MGST1: variants seen among roughly 807,000 people sequenced by gnomAD.
MGST1 encodes microsomal glutathione S-transferase 1.
Under a neutral mutation model 8.9 loss-of-function variants are expected in MGST1, and 5 were observed. That is an observed-to-expected ratio of 0.56 (90% CI 0.29 to 1.19). The LOEUF (loss-of-function observed/expected upper bound fraction) is 1.19. MGST1 is among the 50% of genes most tolerant of loss of function. MGST1 has a pLI of 0.08. For synonymous variants in MGST1, 54 were observed against 67.8 expected (o/e 0.80, Z 1.00); for missense variants, 182 against 187.4 (o/e 0.97, Z 0.17).
At chr12:16,450,387 C>T (rs1271932074) in intron 4 of MGST1, among the ~76,000 whole-genome samples, 1 of 151,816 alleles carries the variant, frequency 6.6e-6, no homozygotes. Flanking sequence ...GCTGAAACAA[C>T]AAAATACAAT....
chr12:16,430,590 T>C (rs984343702), intron 1 of MGST1, among the ~76,000 whole-genome samples: 1 of 145,670 alleles, frequency 6.9e-6, no homozygotes, highest in Non-Finnish European at 1.5e-5. Flanking sequence ...GCATTGTCAA[T>C]GAGTGGTAAT....
intron 1 of MGST1, among the ~76,000 whole-genome samples, chr12:16,394,522 CTT>C (rs574784947): frequency 1.4e-4 from 1 of 7,194 alleles, no homozygotes; most frequent in Admixed American, 2.7e-3. Context: ...CCCTTTCTTT[CTT>C]TCTTTCTTTC....
chr12:16,400,046 G>T (rs1940641076), intron 1 of MGST1: 2 of 1,575,528 alleles, frequency 1.3e-6, no homozygotes, highest in Admixed American at 3.3e-5. Flanking sequence ...TCAAATTCCA[G>T]TTCCTCCTTA....
intron 1 of MGST1, among the ~76,000 whole-genome samples, chr12:16,434,666 C>T (rs551202939): frequency 6.6e-6 from 1 of 151,912 alleles, no homozygotes; most frequent in African/African-American, 2.4e-5. Flanking sequence ...TTTTTTCTTT[C>T]TTTTCTTTTT....
In MGST1 at chr12:16,537,457, C is replaced by G. The variant is rs1333441043; in HGVS notation, n.483-52071C>G. The stretch of plus-strand genomic sequence containing the variant: ...GCATGGTGGCCCTCTTCTCACAGCT[C>G]CACTAGGAGGTGCCCCAGTATGGAC... On this transcript the variant is annotated intron_variant and non_coding_transcript_variant, in intron 4 of 4. Coordinates refer to the MGST1 transcript ENST00000538857. The surrounding 1 kb of genome is among the most constrained non-coding windows in gnomAD (Gnocchi z 4.6). Among the ~76,000 whole-genome samples, 1 of 152,188 alleles carries G rather than the reference C, an allele frequency of 6.6e-6. No individual in the cohort carries two copies. The highest frequency in any genetic ancestry group is 1.5e-5 in the Non-Finnish European group (1 of 68,038).
chr12:16,397,411 C>T lies in MGST1; in HGVS notation n.778+13807C>T, dbSNP rs117103317. Among the ~76,000 whole-genome samples the T allele has an allele frequency of 2.0e-3, 302 of 152,076 alleles. 8 individuals carry two copies. In the East Asian group the frequency reaches 0.037, roughly 19 times the overall value. On this transcript the variant is annotated intron_variant and non_coding_transcript_variant, in intron 1 of 1. Transcript: ENST00000359720. ...AGAACCCAAAAGCAAATGCAACACG[C>T]GAAGATAAATAGGTGGGACTTAATT...
At position 16,413,883 on chromosome 12, in the gene MGST1, A is replaced by G. The variant is rs1308017034; in HGVS notation, n.779-23505A>G. Among the ~76,000 whole-genome samples, 1 of 152,224 alleles carries G rather than the reference A, an allele frequency of 6.6e-6. No homozygotes were observed. Among genetic ancestry groups the G allele is most frequent in the Non-Finnish European group, 1.5e-5 (1 of 68,042 alleles). Reference sequence around the variant, plus strand: ...GCCAAATCAATGAATGAAAGTATACATATATTAATATGAATATGTGAATGT... The same window carrying G: ...GCCAAATCAATGAATGAAAGTATACGTATATTAATATGAATATGTGAATGT... On this transcript the variant is annotated intron_variant and non_coding_transcript_variant, in intron 1 of 1. Transcript: ENST00000359720. The surrounding 1 kb of genome is among the most constrained non-coding windows in gnomAD (Gnocchi z 4.0).
intron 4 of MGST1, among the ~76,000 whole-genome samples, chr12:16,529,315 C>T (rs1013804171): frequency 6.6e-6 from 1 of 152,042 alleles, no homozygotes; most frequent in Non-Finnish European, 1.5e-5. Flanking sequence ...TCATTATCCA[C>T]CCAATGATAG....
intron 4 of MGST1, among the ~76,000 whole-genome samples, chr12:16,564,180 A>G (rs1942506815): frequency 6.6e-6 from 1 of 152,204 alleles, no homozygotes; most frequent in Non-Finnish European, 1.5e-5. Flanking sequence ...TAAAAATCAA[A>G]CAGACAACTT....
chr12:16,473,889 CAAAT>C (rs1250902085), intron 4 of MGST1, among the ~76,000 whole-genome samples: 4 of 151,990 alleles, frequency 2.6e-5, no homozygotes, highest in African/African-American at 9.7e-5. Context: ...TCAAAATAAA[CAAAT>C]AAATAAAAAT....
intron 4 of MGST1, among the ~76,000 whole-genome samples, chr12:16,530,759 G>A (rs529368460): frequency 2.5e-4 from 38 of 152,210 alleles, no homozygotes; most frequent in African/African-American, 7.9e-4. Context: ...CACTGTCCAT[G>A]TGTAATGTAA....
intron 4 of MGST1, among the ~76,000 whole-genome samples, chr12:16,523,836 G>T (rs1273916203): frequency 6.6e-6 from 1 of 152,074 alleles, no homozygotes; most frequent in African/African-American, 2.4e-5. Flanking sequence ...ATCTCAGAAT[G>T]CATTGCATTG....
chr12:16,397,593 A>G (rs1940616064), intron 1 of MGST1, among the ~76,000 whole-genome samples: 1 of 151,980 alleles, frequency 6.6e-6, no homozygotes, highest in Non-Finnish European at 1.5e-5. Context: ...AAAACAAACA[A>G]CAAAGAGTCC....
chr12:16,399,964 C>G, intron 1 of MGST1: 1 of 1,351,394 alleles, frequency 7.4e-7, no homozygotes, highest in South Asian at 1.2e-5. Context: ...TACCAGCGCA[C>G]TACTAGTGGG....
chr12:16,566,033 TATATATAA>T (rs1230770660), intron 4 of MGST1, among the ~76,000 whole-genome samples: 4 of 82,078 alleles, frequency 4.9e-5, no homozygotes, highest in African/African-American at 1.9e-4. Context: ...TATATATATA[TATATATAA>T]AATGGAGTAC....
At position 16,434,096 on chromosome 12, in the gene MGST1, T is replaced by G. The variant is rs1429425214; in HGVS notation, n.779-3292T>G. Among the ~76,000 whole-genome samples the G allele has an allele frequency of 2.0e-5, 3 of 152,144 alleles. No individual in the cohort carries two copies. In the East Asian group the frequency reaches 5.8e-4, roughly 29 times the overall value. On this transcript the variant is annotated intron_variant and non_coding_transcript_variant, in intron 1 of 1. Coordinates refer to the MGST1 transcript ENST00000359720. ...TAATTAAGGACCTGCACTTCATGCG[T>G]ATCTATGTTAACATGTATTTATTTC...
rs576506470 is a variant in MGST1 at position 16,497,794 on chromosome 12, C to T, written n.483-91734C>T. Among the ~76,000 whole-genome samples the T allele has an allele frequency of 5.9e-5, 9 of 152,202 alleles. No individual in the cohort carries two copies. The highest frequency in any genetic ancestry group is 2.1e-4 in the South Asian group (1 of 4,820). ...AAAGCCATGGTTCTCAAACTTTGTG[C>T]GCTTTTGTAAGAATTCCCTTGGTAA... On this transcript the variant is annotated intron_variant and non_coding_transcript_variant, in intron 4 of 4. Transcript: ENST00000538857. The surrounding 1 kb of genome is among the most constrained non-coding windows in gnomAD (Gnocchi z 4.4).
intron 1 of MGST1, among the ~76,000 whole-genome samples, chr12:16,351,625 T>G (rs951905593): frequency 3.3e-5 from 5 of 151,702 alleles, no homozygotes; most frequent in African/African-American, 1.2e-4. Flanking sequence ...GCCTGACAAA[T>G]ATGGTGAAAC....
intron 1 of MGST1, among the ~76,000 whole-genome samples, chr12:16,422,949 G>T (rs1940851146): frequency 6.6e-6 from 1 of 152,012 alleles, no homozygotes; most frequent in Non-Finnish European, 1.5e-5. Flanking sequence ...GACTCTGCAG[G>T]TCTCTGGAAC....
Sources: allele counts gnomAD v4.1 joint callset (sites outside exome capture counted in the v4.1 genomes callset), GRCh38; gene constraint gnomAD v4.1.1; non-coding constraint Gnocchi (gnomAD v3.1); transcripts MANE v1.5; gene names NCBI Gene and HGNC (gene_info 2026-07-23, HGNC 2026-07-21).